OPHN1: variants seen among roughly 807,000 people sequenced by gnomAD.
The protein encoded by OPHN1 is oligophrenin-1.
In OPHN1, 11 loss-of-function variants were observed where a neutral mutation model predicts 60.7. That is an observed-to-expected ratio of 0.18 (90% CI 0.11 to 0.30). OPHN1 has a LOEUF of 0.30. OPHN1 is among the 10% of genes least tolerant of loss of function. The pLI is 1.00. For missense variants in OPHN1, 449 were observed against 611.0 expected, an observed-to-expected ratio of 0.73 and a Z score of 2.80; for synonymous variants, 226 against 222.6, an observed-to-expected ratio of 1.02 and a Z score of -0.14.
intron 6 of OPHN1, among the ~76,000 whole-genome samples, chrX:68,220,123 CA>C (rs1372097793): frequency 9.5e-6 from 1 of 105,264 alleles, no homozygotes; most frequent in African/African-American, 3.4e-5. Context: ...CACAGAAATA[CA>C]AACTACCATC....
chrX:68,365,323 C>T (rs1460099694), intron 2 of OPHN1, among the ~76,000 whole-genome samples: 4 of 110,194 alleles, frequency 3.6e-5, no homozygotes, highest in South Asian at 3.9e-4. Flanking sequence ...AGAGAAACCA[C>T]GTGAGCAAGG....
At chrX:68,208,927 G>C (rs1026482998) in intron 9 of OPHN1, among the ~76,000 whole-genome samples, 11 of 112,365 alleles carry the variant, frequency 9.8e-5, no homozygotes, top group Non-Finnish European at 7.5e-5. Flanking sequence ...CTGAGATCGA[G>C]AAATTGTGCG....
intron 5 of OPHN1, among the ~76,000 whole-genome samples, chrX:68,244,819 T>A (rs2077797505): frequency 8.9e-6 from 1 of 111,806 alleles, no homozygotes; most frequent in East Asian, 2.8e-4. Flanking sequence ...ATGTTACTAT[T>A]CTTATCCCAA....
At chrX:68,432,426 C>T (rs967721906) in intron 2 of OPHN1, among the ~76,000 whole-genome samples, 1 of 111,905 alleles carries the variant, frequency 8.9e-6, no homozygotes, top group Non-Finnish European at 1.9e-5. Flanking sequence ...CTGTAGCAAC[C>T]AGAGACCAGG....
intron 18 of OPHN1, among the ~76,000 whole-genome samples, chrX:68,110,040 T>C (rs1037541735): frequency 9.9e-5 from 11 of 111,035 alleles, no homozygotes; most frequent in African/African-American, 3.6e-4. Flanking sequence ...TACCCTGTTT[T>C]ACGCTGTTTT....
intron 2 of OPHN1, among the ~76,000 whole-genome samples, chrX:68,390,044 G>A (rs2078646037): frequency 9.1e-6 from 1 of 110,278 alleles, no homozygotes; most frequent in African/African-American, 3.3e-5. Context: ...GAAGTGTAGA[G>A]CAAAAGGGGG....
At chrX:68,258,161 T>A (rs756630840) in intron 5 of OPHN1, among the ~76,000 whole-genome samples, 2 of 110,637 alleles carry the variant, frequency 1.8e-5, no homozygotes, top group South Asian at 7.8e-4. Flanking sequence ...TCATCCTGGG[T>A]CATGGTCCAT....
At chrX:68,052,109 G>A (rs1367425850) in intron 23 of OPHN1, among the ~76,000 whole-genome samples, 2 of 111,432 alleles carry the variant, frequency 1.8e-5, no homozygotes, top group Non-Finnish European at 3.8e-5. Context: ...GGCCAACATG[G>A]CAAAACCCTG....
chrX:68,104,586 T>C (rs1479784165), intron 18 of OPHN1, among the ~76,000 whole-genome samples: 2 of 111,837 alleles, frequency 1.8e-5, no homozygotes, highest in East Asian at 2.8e-4. Flanking sequence ...ATGTAATAAA[T>C]GGTGTTGGGA....
chrX:68,143,569 G>C, intron 15 of OPHN1, among the ~76,000 whole-genome samples: 1 of 111,511 alleles, frequency 9.0e-6, no homozygotes, highest in East Asian at 2.9e-4. Context: ...TAGAATGCCT[G>C]TACAATGTGG....
At chrX:68,072,491 C>T (rs1312488064) in intron 20 of OPHN1, among the ~76,000 whole-genome samples, 1 of 111,024 alleles carries the variant, frequency 9.0e-6, no homozygotes, top group Non-Finnish European at 1.9e-5. Flanking sequence ...TCCTGAGAGC[C>T]AGGTGAATAA....
chrX:68,053,810 C>T lies in OPHN1; in HGVS notation c.2159G>A (p.Gly720Glu), dbSNP rs2147349261. The T allele has an allele frequency of 3.3e-6, 4 of 1,208,426 alleles. No homozygotes were observed. In the East Asian group the frequency reaches 1.2e-4, roughly 36 times the overall value. The change falls in exon 22 of 25, where the codon GGG becomes GAG. Residue 720 changes from glycine to glutamate, a missense_variant and splice_region_variant. Physicochemically the swap from Gly to Glu is moderately conservative, Grantham distance 98. This residue lies in a region of OPHN1 where 184 missense variants were observed against 160.5 expected (regional missense o/e 1.15). Transcript: ENST00000355520. ...APRPLAHHKE[G>E]DADSFSKVRP... ...CACTTTGCTGAAACTGTCAGCATCC[C>T]CTGGAAGAGAAAATGATACCAGGAA... is the stretch of plus-strand genomic sequence containing the variant.
chrX:68,388,108 A>G (rs1473038184), intron 2 of OPHN1, among the ~76,000 whole-genome samples: 1 of 105,347 alleles, frequency 9.5e-6, no homozygotes. Flanking sequence ...TAAATAACAG[A>G]AAAGGAAGCT....
At chrX:68,278,722 C>T (rs2078004123) in intron 4 of OPHN1, among the ~76,000 whole-genome samples, 1 of 111,885 alleles carries the variant, frequency 8.9e-6, no homozygotes, top group African/African-American at 3.2e-5. Context: ...CCCATCTCTA[C>T]TAAAAATACA....
intron 5 of OPHN1, among the ~76,000 whole-genome samples, chrX:68,262,048 A>C (rs181735796): frequency 9.5e-4 from 106 of 111,947 alleles, no homozygotes; most frequent in African/African-American, 3.0e-3. Context: ...ATAAGAGTTT[A>C]AGTATATTAT....
chrX:68,271,036 A>C (rs756421199), intron 5 of OPHN1, among the ~76,000 whole-genome samples: 4 of 111,631 alleles, frequency 3.6e-5, no homozygotes, highest in African/African-American at 1.3e-4. Flanking sequence ...GTAAGGGCCT[A>C]ATATAGCACC....
rs139458308 is a variant in OPHN1, at chrX:68,319,500, C to T, written c.155-20404G>A. On this transcript the variant is annotated intron_variant, in intron 2 of 24. Coordinates refer to ENST00000355520, the MANE Select transcript of OPHN1 (RefSeq NM_002547.3). ...CCTGTAATCCCAGCACTTTGGGAGG[C>T]CGAGGCAGGTGGATCACTTGAGCAC... 3.1e-3 allele frequency among the ~76,000 whole-genome samples: 349 copies of T among 110,890 alleles called. 2 individuals are homozygous for T. Among genetic ancestry groups the T allele is most frequent in the African/African-American group, 0.011 (336 of 30,480 alleles).
At chrX:68,148,299 G>A (rs935447435) in intron 15 of OPHN1, among the ~76,000 whole-genome samples, 1 of 111,338 alleles carries the variant, frequency 9.0e-6, no homozygotes, top group Non-Finnish European at 1.9e-5. Flanking sequence ...AAGCTAGTCT[G>A]TTCTCCTTGC....
Position 68,371,579 on chromosome X carries a change from G to C in OPHN1, c.154+61288C>G, listed in dbSNP as rs1274833690. ...GGGTTATAATTACCTATAGTATTCAGTACAGTAACATGCAGTATAGGTTTG... is the reference window on the plus strand; with the variant it reads ...GGGTTATAATTACCTATAGTATTCACTACAGTAACATGCAGTATAGGTTTG... On this transcript the variant is annotated intron_variant, in intron 2 of 24. Transcript: ENST00000355520. 3.6e-5 allele frequency among the ~76,000 whole-genome samples: 4 copies of C among 111,304 alleles called. No homozygotes were observed. The East Asian group carries it at 1.1e-3, about 31-fold the overall frequency.
Sources: gnomAD v4.1 joint callset for allele counts (sites outside exome capture counted in the v4.1 genomes callset) on GRCh38, gnomAD v4.1.1 for gene constraint, gnomAD v4.1.1 regional missense constraint, MANE v1.5 for transcripts, NCBI Gene and HGNC (gene_info 2026-07-23, HGNC 2026-07-21) for gene names.